Variants in RBMS3 observed in about 807,000 individuals in gnomAD.
RBMS3 encodes RNA-binding motif, single-stranded-interacting protein 3.
A neutral mutation model predicts 66.8 loss-of-function variants in RBMS3; 27 were observed. That is an observed-to-expected ratio of 0.40 (90% CI 0.30 to 0.56). The LOEUF is 0.56. Among genes scored for constraint, RBMS3 ranks in the 20% least tolerant of loss-of-function variants. The probability of loss-of-function intolerance (pLI) is 0.40; values close to 1 mark genes in which losing one functional copy is unlikely to be tolerated. For missense variants in RBMS3, 513 were observed against 549.5 expected, an observed-to-expected ratio of 0.93 and a Z score of 0.66; for synonymous variants, 188 against 183.0, an observed-to-expected ratio of 1.03 and a Z score of -0.22.
intron 2 of RBMS3, among the ~76,000 whole-genome samples, chr3:29,459,931 C>T (rs1316769484): frequency 6.6e-6 from 1 of 152,222 alleles, no homozygotes; most frequent in Non-Finnish European, 1.5e-5. Context: ...TGAGTTTACT[C>T]AAGTGCCAAA....
chr3:29,883,623 C>A (rs1307760116), intron 7 of RBMS3, among the ~76,000 whole-genome samples: 2 of 151,978 alleles, frequency 1.3e-5, no homozygotes, highest in Admixed American at 1.3e-4. Context: ...ATGACCTCCC[C>A]TTTCTATCAC....
chr3:29,376,698 G>C (rs1365423635), intron 1 of RBMS3, among the ~76,000 whole-genome samples: 1 of 152,192 alleles, frequency 6.6e-6, no homozygotes, highest in Admixed American at 6.5e-5. Flanking sequence ...ACGAGGTCAG[G>C]AGATGGAGAC....
At chr3:29,444,290 A>C (rs570534649) in intron 2 of RBMS3, among the ~76,000 whole-genome samples, 38 of 152,176 alleles carry the variant, frequency 2.5e-4, no homozygotes, top group African/African-American at 8.9e-4. Context: ...TATAGGTGAA[A>C]AACCAATGAC....
chr3:29,355,652 A>G (rs1341909521), intron 1 of RBMS3, among the ~76,000 whole-genome samples: 2 of 152,142 alleles, frequency 1.3e-5, no homozygotes, highest in African/African-American at 4.8e-5. Context: ...ATGACTTATT[A>G]TAACAGCATT....
At chr3:29,341,263 A>G (rs957966247) in intron 1 of RBMS3, among the ~76,000 whole-genome samples, 1 of 152,160 alleles carries the variant, frequency 6.6e-6, no homozygotes. Flanking sequence ...CAGAAGAATC[A>G]AAATGTTTTG....
chr3:29,307,130 C>T (rs189048353), intron 1 of RBMS3, among the ~76,000 whole-genome samples: 103 of 151,998 alleles, frequency 6.8e-4, no homozygotes, highest in African/African-American at 2.2e-3. Context: ...AGTCTTCAAA[C>T]TCAGGCAGCT....
intron 6 of RBMS3, among the ~76,000 whole-genome samples, chr3:29,830,671 C>T (rs992115324): frequency 6.6e-6 from 1 of 152,048 alleles, no homozygotes; most frequent in Non-Finnish European, 1.5e-5. Flanking sequence ...ATTTTTATTT[C>T]TGTAAATTTA....
chr3:29,767,954 A>G (rs970381739), intron 6 of RBMS3, among the ~76,000 whole-genome samples: 2 of 151,952 alleles, frequency 1.3e-5, no homozygotes, highest in Non-Finnish European at 2.9e-5. Context: ...AAAAAATGCT[A>G]TGGTATATAG....
At chr3:29,406,259 G>C (rs1203842481) in intron 1 of RBMS3, among the ~76,000 whole-genome samples, 1 of 152,136 alleles carries the variant, frequency 6.6e-6, no homozygotes, top group East Asian at 1.9e-4. Context: ...TTAAGATAAT[G>C]TAAAAAAGCA....
chr3:29,296,597 G>T lies in RBMS3; in HGVS notation c.75+14841G>T, dbSNP rs539796055. ...TAAGATCAGAGCATGACAATAAAAA[G>T]AATAATACAAAAGTTAACCTATTTA... On this transcript the variant is annotated intron_variant, in intron 1 of 14. Coordinates refer to ENST00000383767, the MANE Select transcript of RBMS3 (RefSeq NM_001003793.3). Among the ~76,000 whole-genome samples, 159 of 151,764 alleles carry T rather than the reference G, an allele frequency of 1.0e-3. 1 individual carries two copies. The highest frequency in any genetic ancestry group is 3.7e-3 in the African/African-American group (153 of 41,456).
Position 29,351,210 on chromosome 3 carries a change from G to A in RBMS3, c.75+69454G>A, listed in dbSNP as rs1008647374. 7.2e-5 allele frequency among the ~76,000 whole-genome samples: 11 copies of A among 152,092 alleles called. No homozygotes were observed. In the East Asian group the frequency reaches 1.4e-3, roughly 19 times the overall value. On this transcript the variant is annotated intron_variant, in intron 1 of 14. Transcript: ENST00000383767. ...TTTCATTGGTAATACAAATAATGAC[G>A]TGATGAACATTTTCCTGCAAATTTC...
intron 6 of RBMS3, among the ~76,000 whole-genome samples, chr3:29,820,362 G>T (rs566295635): frequency 2.8e-4 from 42 of 151,772 alleles, no homozygotes; most frequent in African/African-American, 9.9e-4. Context: ...GTAAAACACA[G>T]GCTTTTTCTA....
chr3:29,735,677 A>G (rs907250783), intron 4 of RBMS3, among the ~76,000 whole-genome samples: 3 of 152,210 alleles, frequency 2.0e-5, no homozygotes, highest in African/African-American at 7.2e-5. Context: ...TAAAACAAGG[A>G]ACTCAGATAT....
At chr3:29,794,989 T>C (rs2057135111) in intron 6 of RBMS3, among the ~76,000 whole-genome samples, 1 of 152,174 alleles carries the variant, frequency 6.6e-6, no homozygotes, top group African/African-American at 2.4e-5. Context: ...TTTTTTGAAG[T>C]TGTAGGTTGT....
chr3:29,622,412 A>C (rs556763531), intron 4 of RBMS3, among the ~76,000 whole-genome samples: 9 of 152,318 alleles, frequency 5.9e-5, no homozygotes, highest in African/African-American at 2.2e-4. Flanking sequence ...TGTTGTTGAG[A>C]GTGTGCATGG....
intron 4 of RBMS3, among the ~76,000 whole-genome samples, chr3:29,724,884 C>G (rs1050725727): frequency 4.6e-5 from 7 of 152,084 alleles, no homozygotes; most frequent in Non-Finnish European, 4.4e-5. Context: ...GTGTAACATC[C>G]ACTAGTCTGA....
At chr3:29,477,607 T>C (rs2042991762) in intron 2 of RBMS3, among the ~76,000 whole-genome samples, 1 of 152,132 alleles carries the variant, frequency 6.6e-6, no homozygotes, top group South Asian at 2.1e-4. Context: ...AATGATCCAA[T>C]TGCCATCTCT....
In RBMS3 at chr3:29,988,004, T is replaced by G. The variant is rs1347816737; in HGVS notation, c.1099-139T>G. 1.2e-5 allele frequency: 8 copies of G among 654,020 alleles called. No homozygotes were observed. In the South Asian group the frequency reaches 1.3e-4, roughly 11 times the overall value. 40.5% of individuals were successfully genotyped at this position (654,020 alleles called of 1,614,324 possible). A position where few individuals can be genotyped will look rare whatever the true frequency, so the allele number is the denominator to read the frequency against. ...TTCAATACAGAGAGGAGCTGCCTTA[T>G]TTTTAGTGAAAATTGAGCTGGGAAA... On this transcript the variant is annotated intron_variant, in intron 12 of 14. Coordinates refer to ENST00000383767, the MANE Select transcript of RBMS3 (RefSeq NM_001003793.3).
chr3:29,528,275 G>A (rs1402748573), intron 3 of RBMS3, among the ~76,000 whole-genome samples: 1 of 151,962 alleles, frequency 6.6e-6, no homozygotes. Flanking sequence ...ACCACACCCG[G>A]CTAATTTTTA....
Sources: allele counts gnomAD v4.1 joint callset (sites outside exome capture counted in the v4.1 genomes callset), GRCh38; gene constraint gnomAD v4.1.1; transcripts MANE v1.5; gene names NCBI Gene and HGNC (gene_info 2026-07-23, HGNC 2026-07-21).